WDR17: variants seen among roughly 807,000 people sequenced by gnomAD.
WDR17 encodes WD repeat-containing protein 17.
A neutral mutation model predicts 161.7 loss-of-function variants in WDR17; 143 were observed. That is an observed-to-expected ratio of 0.88 (90% CI 0.77 to 1.02). The LOEUF is 1.02. Among genes scored for constraint, WDR17 ranks in the 50% least tolerant of loss-of-function variants. WDR17 has a pLI of 0.00. For synonymous variants in WDR17, 517 were observed against 515.6 expected, an observed-to-expected ratio of 1.00 and a Z score of -0.04; for missense variants, 1,469 against 1,520.9, an observed-to-expected ratio of 0.97 and a Z score of 0.57.
chr4:176,102,290 C>T (rs1318727070), intron 1 of WDR17, among the ~76,000 whole-genome samples: 3 of 152,030 alleles, frequency 2.0e-5, no homozygotes, highest in African/African-American at 7.3e-5. Flanking sequence ...TTGGGAATTG[C>T]AAATTAAATC....
At chr4:176,100,623 C>T (rs1737668728) in intron 1 of WDR17, among the ~76,000 whole-genome samples, 4 of 151,960 alleles carry the variant, frequency 2.6e-5, no homozygotes, top group Admixed American at 2.6e-4. Flanking sequence ...TTTTTGCTGC[C>T]TGTGCTTTTG....
At chr4:176,080,681 C>G (rs1228540171) in intron 1 of WDR17, among the ~76,000 whole-genome samples, 1 of 152,088 alleles carries the variant, frequency 6.6e-6, no homozygotes, top group African/African-American at 2.4e-5. Context: ...AGGATGAATA[C>G]TTCAGTCTTA....
intron 1 of WDR17, among the ~76,000 whole-genome samples, chr4:176,068,783 T>G (rs763631595): frequency 6.6e-6 from 1 of 152,194 alleles, no homozygotes; most frequent in Non-Finnish European, 1.5e-5. Flanking sequence ...TCATTGTTGA[T>G]AAAACTATTC....
chr4:176,096,495 G>A (rs766947403), intron 1 of WDR17: 1 of 1,587,664 alleles, frequency 6.3e-7, no homozygotes, highest in African/African-American at 1.4e-5. Flanking sequence ...GTTTCCAATT[G>A]CCTTGATTAA....
At chr4:176,125,018 A>C in intron 4 of WDR17, 86 bp from the exon 5 acceptor site, 84 of 1,375,802 alleles carry the variant, frequency 6.1e-5, no homozygotes, top group Non-Finnish European at 7.7e-5. Context: ...AGAGATAGAT[A>C]TTGTACAAGG....
intron 16 of WDR17, among the ~76,000 whole-genome samples, chr4:176,151,114 G>A (rs1322973497): frequency 1.4e-5 from 2 of 146,238 alleles, no homozygotes; most frequent in East Asian, 3.8e-4. Flanking sequence ...AGACAGTTGT[G>A]CCAGAGATGT....
At chr4:176,116,520 A>G (rs1740669569) in intron 3 of WDR17, among the ~76,000 whole-genome samples, 1 of 151,864 alleles carries the variant, frequency 6.6e-6, no homozygotes, top group Non-Finnish European at 1.5e-5. Flanking sequence ...ATCTTATCCC[A>G]TCATAATGGT....
intron 3 of WDR17, among the ~76,000 whole-genome samples, chr4:176,117,123 T>C (rs1342259381): frequency 6.6e-6 from 1 of 152,012 alleles, no homozygotes; most frequent in Non-Finnish European, 1.5e-5. Flanking sequence ...CTTCCATTAA[T>C]GTAATTAGCA....
chr4:176,149,917 CTGG>C lies in WDR17; in HGVS notation c.2009_2011del (p.Leu670_Ala671delinsPro). 1 of 1,613,728 alleles carries C rather than the reference CTGG, an allele frequency of 6.2e-7. No homozygotes were observed. Among genetic ancestry groups the C allele is most frequent in the South Asian group, 1.1e-5 (1 of 90,852 alleles). On this transcript the variant is annotated inframe_deletion, in exon 14 of 29. Transcript: ENST00000508596. ...AGTCACTCCTGTACAAATAAATATT[CTGG>C]CAGACAGATCTTGGGAAGAAATTAT... is the stretch of plus-strand genomic sequence containing the variant.
intron 10 of WDR17, 123 bp from the exon 11 acceptor site, chr4:176,141,860 G>C (rs1260719308): frequency 2.7e-6 from 2 of 743,496 alleles, no homozygotes; most frequent in Non-Finnish European, 4.2e-6. Flanking sequence ...TGTTCTTTTT[G>C]CTTTGTAGAC....
rs201490064 is a variant in WDR17 at position 176,150,463 on chromosome 4, T to A, written c.2179-5T>A. 1,420 of 1,597,564 alleles carry A rather than the reference T, an allele frequency of 8.9e-4. 2 individuals carry two copies. The highest frequency in any genetic ancestry group is 1.2e-3 in the Admixed American group (65 of 55,394). On this transcript the variant is annotated splice_polypyrimidine_tract_variant and splice_region_variant and intron_variant, in intron 15 of 28. Coordinates refer to ENST00000508596, the MANE Select transcript of WDR17 (RefSeq NM_181265.4). ...TTCCATATTTATTTTTTGTCAACTC[T>A]TTAGCCTCCAGGTGGCAGTGACAAT...
At chr4:176,089,519 T>C (rs1314234465) in intron 1 of WDR17, among the ~76,000 whole-genome samples, 1 of 152,154 alleles carries the variant, frequency 6.6e-6, no homozygotes, top group Non-Finnish European at 1.5e-5. Flanking sequence ...GCAGCCAGTC[T>C]CTGCTTTGCA....
intron 5 of WDR17, among the ~76,000 whole-genome samples, chr4:176,127,785 C>T (rs1330038963): frequency 6.6e-6 from 1 of 152,172 alleles, no homozygotes; most frequent in African/African-American, 2.4e-5. Context: ...AGCAGTTACT[C>T]TCCATTACTG....
chr4:176,080,898 T>A (rs1465922884), intron 1 of WDR17, among the ~76,000 whole-genome samples: 1 of 152,154 alleles, frequency 6.6e-6, no homozygotes, highest in Non-Finnish European at 1.5e-5. Context: ...CTCTGTATTT[T>A]AATTTTAGGA....
intron 16 of WDR17, 36 bp downstream of exon 16, chr4:176,150,629 A>C: frequency 6.5e-7 from 1 of 1,543,052 alleles, no homozygotes; most frequent in East Asian, 2.3e-5. Flanking sequence ...TACTCAAGCA[A>C]ATTTTTTGCC....
intron 3 of WDR17, 80 bp downstream of exon 3, chr4:176,116,059 T>C: frequency 7.3e-7 from 1 of 1,363,442 alleles, no homozygotes; most frequent in East Asian, 2.6e-5. Context: ...TTAGTTCAGC[T>C]TTTAAAATGT....
At chr4:176,117,662 A>G (rs1461591697) in intron 3 of WDR17, among the ~76,000 whole-genome samples, 1 of 152,098 alleles carries the variant, frequency 6.6e-6, no homozygotes, top group Non-Finnish European at 1.5e-5. Flanking sequence ...CACTGGATAT[A>G]CAACTAAATA....
intron 22 of WDR17, among the ~76,000 whole-genome samples, chr4:176,167,503 G>A (rs899387487): frequency 1.3e-5 from 2 of 150,448 alleles, no homozygotes; most frequent in Non-Finnish European, 3.0e-5. Flanking sequence ...AAAATTAGCC[G>A]GGCGAGGTGG....
intron 11 of WDR17, among the ~76,000 whole-genome samples, chr4:176,142,794 G>T (rs752559298): frequency 6.6e-6 from 1 of 152,208 alleles, no homozygotes; most frequent in Non-Finnish European, 1.5e-5. Flanking sequence ...TTATACTTGT[G>T]TTCAGAGTCA....
Sources: allele counts gnomAD v4.1 joint callset (sites outside exome capture counted in the v4.1 genomes callset), GRCh38; gene constraint gnomAD v4.1.1; transcripts MANE v1.5; gene names NCBI Gene and HGNC (gene_info 2026-07-23, HGNC 2026-07-21).